The following SGCZ variants were observed in gnomAD, a reference collection of about 807,000 sequenced individuals.
The protein encoded by SGCZ is sarcoglycan zeta.
In SGCZ, 40 loss-of-function variants were observed where a neutral mutation model predicts 41.3. The observed-to-expected ratio is 0.97, with a 90% CI of 0.75 to 1.26. The LOEUF (loss-of-function observed/expected upper bound fraction) is 1.26. SGCZ is among the 50% of genes most tolerant of loss of function. The probability of loss-of-function intolerance (pLI) is 0.00; values close to 1 mark genes in which losing one functional copy is unlikely to be tolerated. For synonymous variants in SGCZ, 206 were observed against 137.5 expected, an observed-to-expected ratio of 1.50 and a Z score of -3.49; for missense variants, 552 against 369.8, an observed-to-expected ratio of 1.49 and a Z score of -4.04.
intron 1 of SGCZ, among the ~76,000 whole-genome samples, chr8:15,194,067 G>A (rs1311127126): frequency 6.6e-6 from 1 of 152,030 alleles, no homozygotes; most frequent in Non-Finnish European, 1.5e-5. Flanking sequence ...TTTCTTAATA[G>A]AGTTTAAGAC....
intron 1 of SGCZ, among the ~76,000 whole-genome samples, chr8:14,819,801 C>G (rs989704554): frequency 6.6e-6 from 1 of 151,908 alleles, no homozygotes; most frequent in Non-Finnish European, 1.5e-5. Context: ...TAAAATAATC[C>G]ATTTTAACCA....
intron 2 of SGCZ, among the ~76,000 whole-genome samples, chr8:14,455,425 C>T (rs1800712059): frequency 6.6e-6 from 1 of 150,868 alleles, no homozygotes; most frequent in Non-Finnish European, 1.5e-5. Flanking sequence ...GATCATCAGC[C>T]TCAAAGTGTT....
intron 1 of SGCZ, among the ~76,000 whole-genome samples, chr8:14,711,598 T>TTA (rs1491401373): frequency 2.5e-5 from 2 of 80,290 alleles, no homozygotes; most frequent in Non-Finnish European, 4.8e-5. Context: ...TGAGACTCTG[T>TTA]AAAAAAAAAA....
At chr8:14,727,703 G>A (rs371452797) in intron 1 of SGCZ, among the ~76,000 whole-genome samples, 6 of 151,842 alleles carry the variant, frequency 4.0e-5, no homozygotes, top group African/African-American at 1.2e-4. Context: ...TAGTGGAGAC[G>A]GGGTTGCACC....
At chr8:14,296,196 C>T (rs1801006561) in intron 3 of SGCZ, among the ~76,000 whole-genome samples, 1 of 152,120 alleles carries the variant, frequency 6.6e-6, no homozygotes, top group African/African-American at 2.4e-5. Flanking sequence ...CCTGCAAAAA[C>T]CAAAGCCAAC....
chr8:14,261,001 G>A (rs1449321901), intron 3 of SGCZ, among the ~76,000 whole-genome samples: 1 of 152,140 alleles, frequency 6.6e-6, no homozygotes, highest in African/African-American at 2.4e-5. Context: ...AACGCTAGAT[G>A]ACGAGTTAGT....
At chr8:15,224,409 C>G (rs1801703533) in intron 1 of SGCZ, among the ~76,000 whole-genome samples, 1 of 150,920 alleles carries the variant, frequency 6.6e-6, no homozygotes, top group African/African-American at 2.4e-5. Flanking sequence ...AATACCTGTT[C>G]ATCTAAAATT....
At chr8:15,207,235 G>A (rs1369328450) in intron 1 of SGCZ, among the ~76,000 whole-genome samples, 8 of 152,190 alleles carry the variant, frequency 5.3e-5, no homozygotes, top group African/African-American at 1.4e-4. Flanking sequence ...AGGCAGCAAT[G>A]CTAGGCAAGC....
intron 4 of SGCZ, among the ~76,000 whole-genome samples, chr8:14,231,916 T>C (rs572057087): frequency 1.3e-5 from 2 of 152,082 alleles, no homozygotes; most frequent in South Asian, 2.1e-4. Flanking sequence ...CTCTGTAAGA[T>C]AGAGATGCCT....
At chr8:14,410,292 T>C (rs991576175) in intron 2 of SGCZ, among the ~76,000 whole-genome samples, 3 of 152,114 alleles carry the variant, frequency 2.0e-5, no homozygotes, top group African/African-American at 7.2e-5. Context: ...AGTTGGGGAC[T>C]GCTGAATTAT....
chr8:14,843,238 T>C (rs1387860211), intron 1 of SGCZ, among the ~76,000 whole-genome samples: 3 of 152,064 alleles, frequency 2.0e-5, no homozygotes, highest in African/African-American at 7.2e-5. Flanking sequence ...AAGACTAGTT[T>C]CTATGTACAT....
intron 1 of SGCZ, among the ~76,000 whole-genome samples, chr8:14,847,174 GAAGAAGAAGAA>G (rs1427682475): frequency 8.3e-5 from 12 of 143,772 alleles, no homozygotes; most frequent in African/African-American, 3.2e-4. Flanking sequence ...AGAAGAAGAA[GAAGAAGAAGAA>G]GAGAAAAATA....
At position 15,124,853 on chromosome 8, in the gene SGCZ, G is replaced by T. The variant is rs117490321; in HGVS notation, c.39+112732C>A. Among the ~76,000 whole-genome samples the T allele has an allele frequency of 9.9e-3, 1,500 of 152,086 alleles. 9 individuals carry two copies. The highest frequency in any genetic ancestry group is 0.027 in the Middle Eastern group (8 of 294). Reference sequence around the variant, plus strand: ...GATCTTTAAAAAATCAGGGAGGAAGGATATGTATTTACATGAAAGATCCAA... The same window carrying T: ...GATCTTTAAAAAATCAGGGAGGAAGTATATGTATTTACATGAAAGATCCAA... On this transcript the variant is annotated intron_variant, in intron 1 of 7. Coordinates refer to ENST00000382080, the MANE Select transcript of SGCZ (RefSeq NM_139167.4).
rs539699122 is a variant in SGCZ at position 14,228,411 on chromosome 8, C to G, written c.424+9181G>C. On this transcript the variant is annotated intron_variant, in intron 4 of 7. Transcript: ENST00000382080. The stretch of plus-strand genomic sequence containing the variant: ...TTTGTTTAACTTATTTTACTTTTAT[C>G]CTTTAACTGGCTCTGTAATATATCA... Among the ~76,000 whole-genome samples the G allele has an allele frequency of 1.2e-4, 18 of 152,134 alleles. No individual in the cohort carries two copies. The South Asian group carries it at 3.1e-3, about 26-fold the overall frequency.
chr8:15,196,609 A>G (rs1181849250), intron 1 of SGCZ, among the ~76,000 whole-genome samples: 1 of 146,864 alleles, frequency 6.8e-6, no homozygotes, highest in East Asian at 1.9e-4. Flanking sequence ...GTGACTACAA[A>G]CAGTAAAATT....
chr8:14,416,312 G>T (rs1291110478), intron 2 of SGCZ, among the ~76,000 whole-genome samples: 1 of 151,916 alleles, frequency 6.6e-6, no homozygotes, highest in Non-Finnish European at 1.5e-5. Context: ...CTGTTGTCCT[G>T]TAGAGAAAAA....
chr8:14,218,771 C>T (rs1310741498), intron 4 of SGCZ, among the ~76,000 whole-genome samples: 1 of 152,216 alleles, frequency 6.6e-6, no homozygotes, highest in African/African-American at 2.4e-5. Flanking sequence ...CAACTCACAA[C>T]ATCAACAACG....
intron 1 of SGCZ, among the ~76,000 whole-genome samples, chr8:14,646,945 G>A (rs1807241205): frequency 6.6e-6 from 1 of 151,888 alleles, no homozygotes; most frequent in Admixed American, 6.6e-5. Context: ...TCTAGCTCCA[G>A]CTGTCTCTGG....
intron 2 of SGCZ, among the ~76,000 whole-genome samples, chr8:14,481,602 G>A (rs1303321851): frequency 6.6e-6 from 1 of 152,076 alleles, no homozygotes; most frequent in East Asian, 1.9e-4. Flanking sequence ...AACTCTAGAA[G>A]ACACAAGGAT....
Sources: allele counts gnomAD v4.1 joint callset (sites outside exome capture counted in the v4.1 genomes callset), GRCh38; gene constraint gnomAD v4.1.1; transcripts MANE v1.5; gene names NCBI Gene and HGNC (gene_info 2026-07-23, HGNC 2026-07-21).